SORCS3: variants seen among roughly 807,000 people sequenced by gnomAD.
SORCS3 encodes sortilin related VPS10 domain containing receptor 3.
In SORCS3, 57 loss-of-function variants were observed where a neutral mutation model predicts 146.3. That is an observed-to-expected ratio of 0.39 (90% CI 0.31 to 0.49). SORCS3 has a LOEUF of 0.49. SORCS3 is among the 20% of genes least tolerant of loss of function. The pLI, the probability that SORCS3 is intolerant of heterozygous loss-of-function variation, is 0.92. For synonymous variants in SORCS3, 653 were observed against 618.5 expected (o/e 1.06, Z -0.83); for missense variants, 1,341 against 1,575.5 (o/e 0.85, Z 2.52).
intron 1 of SORCS3, among the ~76,000 whole-genome samples, chr10:104,676,552 T>C (rs1400761396): frequency 6.6e-6 from 1 of 152,226 alleles, no homozygotes; most frequent in Non-Finnish European, 1.5e-5. Context: ...GTGCCTCCTA[T>C]GTTCCAGGTG....
intron 5 of SORCS3, among the ~76,000 whole-genome samples, chr10:105,060,295 G>T (rs1392136433): frequency 6.6e-6 from 1 of 152,160 alleles, no homozygotes; most frequent in Non-Finnish European, 1.5e-5. Flanking sequence ...TTAGGAAATT[G>T]TTAGTAGGTC....
chr10:104,925,449 A>G (rs1180518300), intron 3 of SORCS3, among the ~76,000 whole-genome samples: 1 of 152,186 alleles, frequency 6.6e-6, no homozygotes, highest in Non-Finnish European at 1.5e-5. Flanking sequence ...GGCAGAAACC[A>G]TGCTCCAAGC....
chr10:104,941,266 A>T (rs1408577588), intron 3 of SORCS3, among the ~76,000 whole-genome samples: 1 of 152,174 alleles, frequency 6.6e-6, no homozygotes, highest in African/African-American at 2.4e-5. Context: ...ACCTCCTGGG[A>T]TGCAGCTCAA....
chr10:104,710,642 G>A (rs573509733), intron 1 of SORCS3, among the ~76,000 whole-genome samples: 2 of 152,298 alleles, frequency 1.3e-5, no homozygotes, highest in South Asian at 4.1e-4. Flanking sequence ...CATCCATGAG[G>A]TTTATGCTCA....
chr10:105,012,781 A>G (rs1164707493), intron 4 of SORCS3, among the ~76,000 whole-genome samples: 1 of 152,180 alleles, frequency 6.6e-6, no homozygotes, highest in Non-Finnish European at 1.5e-5. Context: ...TGTACGTTGA[A>G]GCATTCTCGT....
chr10:104,900,316 A>G (rs1462248373), intron 2 of SORCS3, among the ~76,000 whole-genome samples: 2 of 152,174 alleles, frequency 1.3e-5, no homozygotes, highest in Non-Finnish European at 2.9e-5. Flanking sequence ...ACCTCTGACC[A>G]TGCCAGTAAA....
At chr10:105,220,790 A>G (rs1013455427) in intron 19 of SORCS3, among the ~76,000 whole-genome samples, 1 of 152,210 alleles carries the variant, frequency 6.6e-6, no homozygotes, top group Non-Finnish European at 1.5e-5. Context: ...GACATAGATT[A>G]GGTAAACTCC....
At chr10:104,923,531 G>T (rs530476337) in intron 3 of SORCS3, among the ~76,000 whole-genome samples, 4 of 152,320 alleles carry the variant, frequency 2.6e-5, no homozygotes, top group Admixed American at 2.6e-4. Context: ...GGTTCTATCA[G>T]CATGAGCCAA....
At chr10:105,202,581 A>G (rs1413542649) in intron 16 of SORCS3, among the ~76,000 whole-genome samples, 1 of 152,140 alleles carries the variant, frequency 6.6e-6, no homozygotes, top group East Asian at 1.9e-4. Flanking sequence ...TACAAAATGA[A>G]CATGTTTTTG....
At chr10:105,245,047 C>A (rs909970426) in intron 20 of SORCS3, among the ~76,000 whole-genome samples, 1 of 127,664 alleles carries the variant, frequency 7.8e-6, no homozygotes, top group African/African-American at 2.9e-5. Context: ...GCAGCCTGGG[C>A]GGCAGAGCAA....
chr10:105,152,639 CTTCAA>C (rs2056175572), intron 9 of SORCS3, among the ~76,000 whole-genome samples: 1 of 152,128 alleles, frequency 6.6e-6, no homozygotes, highest in Non-Finnish European at 1.5e-5. Context: ...GGTATCAGTT[CTTCAA>C]TTCAAATTTC....
chr10:104,859,774 T>G (rs2018379003), intron 2 of SORCS3, among the ~76,000 whole-genome samples: 1 of 151,974 alleles, frequency 6.6e-6, no homozygotes, highest in African/African-American at 2.4e-5. Context: ...GAACAGACAC[T>G]TCTCAAAAGA....
chr10:105,043,331 A>G (rs764001404), intron 5 of SORCS3, among the ~76,000 whole-genome samples: 4 of 152,092 alleles, frequency 2.6e-5, no homozygotes, highest in Admixed American at 2.6e-4. Flanking sequence ...ATTAAGACTT[A>G]CGAAACTGGG....
intron 14 of SORCS3, among the ~76,000 whole-genome samples, chr10:105,189,249 G>C (rs1338789429): frequency 2.0e-5 from 3 of 152,110 alleles, no homozygotes; most frequent in African/African-American, 7.2e-5. Context: ...TTTCACCCAC[G>C]CAAGTGGCTC....
At chr10:104,672,145 T>A (rs902049784) in intron 1 of SORCS3, among the ~76,000 whole-genome samples, 1 of 152,200 alleles carries the variant, frequency 6.6e-6, no homozygotes, top group Non-Finnish European at 1.5e-5. Context: ...CTTAATTTCC[T>A]TACTGTTATA....
At chr10:104,646,169 A>T (rs985055412) in intron 1 of SORCS3, among the ~76,000 whole-genome samples, 12 of 152,178 alleles carry the variant, frequency 7.9e-5, no homozygotes, top group African/African-American at 2.4e-4. Context: ...CAGCCTATTT[A>T]TCTGCTCAGT....
Position 105,242,595 on chromosome 10 carries a change from T to C in SORCS3, c.2869-2947T>C, listed in dbSNP as rs1322095194. Among the ~76,000 whole-genome samples, 34 of 68,490 alleles carry C rather than the reference T, an allele frequency of 5.0e-4. 2 individuals are homozygous for C. The highest frequency in any genetic ancestry group is 3.6e-3 in the East Asian group (7 of 1,968). The allele number at this position is 68,490 out of a possible 152,430, so 44.9% of individuals were successfully genotyped here. ...TTATATATTTATATATATTTATATA[T>C]GTTTATATACATTTATATATATTTA... On this transcript the variant is annotated intron_variant, in intron 20 of 26. Transcript: ENST00000369701.
intron 1 of SORCS3, among the ~76,000 whole-genome samples, chr10:104,751,321 A>G (rs756711887): frequency 2.6e-5 from 4 of 152,178 alleles, no homozygotes; most frequent in Non-Finnish European, 4.4e-5. Flanking sequence ...AATGTAATGT[A>G]GGATTGGTCT....
chr10:105,179,977 G>T (rs1024898945), intron 14 of SORCS3, among the ~76,000 whole-genome samples: 1 of 152,104 alleles, frequency 6.6e-6, no homozygotes, highest in Non-Finnish European at 1.5e-5. Flanking sequence ...AGCTCTGTGT[G>T]GTCAGGGAGA....
Sources: allele counts gnomAD v4.1 joint callset (sites outside exome capture counted in the v4.1 genomes callset), GRCh38; gene constraint gnomAD v4.1.1; transcripts MANE v1.5; gene names NCBI Gene and HGNC (gene_info 2026-07-23, HGNC 2026-07-21).